KCNIP4: variants seen among roughly 807,000 people sequenced by gnomAD.
KCNIP4 encodes Kv channel-interacting protein 4.
In KCNIP4, 12 loss-of-function variants were observed where a neutral mutation model predicts 34.0. The ratio of observed to expected loss-of-function variants is 0.35; its 90% CI spans 0.23 to 0.57. The LOEUF (loss-of-function observed/expected upper bound fraction) is 0.57, where lower values mean the gene tolerates loss of function less well. Ranked by LOEUF, KCNIP4 falls within the 20% of genes least tolerant of loss-of-function variation. The pLI is 0.83. For synonymous variants in KCNIP4, 124 were observed against 102.2 expected (o/e 1.21, Z -1.29); for missense variants, 238 against 311.7 (o/e 0.76, Z 1.78).
In KCNIP4 at chr4:21,778,230, TTTTTTC is replaced by T. The variant is rs1177562548; in HGVS notation, c.61+170335_61+170340del. On this transcript the variant is annotated intron_variant, in intron 1 of 8. Transcript: ENST00000382152. ...GTTTCTTTTTCCTTTTTTCCTTTTT[TTTTTTC>T]TTTTTTTTTTTTTTTTGAGACAGGG... 4.9e-4 allele frequency among the ~76,000 whole-genome samples: 29 copies of T among 58,810 alleles called. 3 individuals carry two copies. Among genetic ancestry groups the T allele is most frequent in the African/African-American group, 4.1e-3 (27 of 6,518 alleles). The allele number at this position is 58,810 out of a possible 152,430, so 38.6% of individuals were successfully genotyped here.
In KCNIP4 at chr4:20,987,523, G is replaced by A. The variant is rs78314264; in HGVS notation, c.62-104814C>T. 9.9e-3 allele frequency among the ~76,000 whole-genome samples: 1,504 copies of A among 152,248 alleles called. 9 individuals are homozygous for A. Among genetic ancestry groups the A allele is most frequent in the Middle Eastern group, 0.017 (5 of 294 alleles). The stretch of plus-strand genomic sequence containing the variant: ...AGTTTCAGCTCACCCCAAATCAATA[G>A]GTTAGGTGTTATTATCACTATTTCA... On this transcript the variant is annotated intron_variant, in intron 1 of 8. Transcript: ENST00000382152.
chr4:21,884,885 C>T (rs1017246645), intron 1 of KCNIP4, among the ~76,000 whole-genome samples: 3 of 152,044 alleles, frequency 2.0e-5, no homozygotes, highest in East Asian at 1.9e-4. Flanking sequence ...TTCAGTGGCT[C>T]GTGGCTCCAG....
chr4:21,526,262 C>T (rs1445760265), intron 1 of KCNIP4, among the ~76,000 whole-genome samples: 1 of 152,022 alleles, frequency 6.6e-6, no homozygotes, highest in African/African-American at 2.4e-5. Context: ...GTGAATAAGT[C>T]TCATAATATC....
At chr4:21,467,589 T>C (rs1320889024) in intron 1 of KCNIP4, among the ~76,000 whole-genome samples, 1 of 152,158 alleles carries the variant, frequency 6.6e-6, no homozygotes, top group East Asian at 1.9e-4. Flanking sequence ...GATATCTTCA[T>C]AAAAACATTC....
intron 1 of KCNIP4, among the ~76,000 whole-genome samples, chr4:20,884,753 G>A (rs924127572): frequency 6.6e-6 from 1 of 150,448 alleles, no homozygotes; most frequent in Admixed American, 6.6e-5. Context: ...TGTTGCCCAG[G>A]CTGGAGTGCA....
At chr4:21,098,307 G>T (rs1048656130) in intron 1 of KCNIP4, among the ~76,000 whole-genome samples, 1 of 152,194 alleles carries the variant, frequency 6.6e-6, no homozygotes, top group Non-Finnish European at 1.5e-5. Context: ...TTAAATAATA[G>T]ATTTTCAAGG....
At chr4:20,897,540 G>C (rs1027195364) in intron 1 of KCNIP4, among the ~76,000 whole-genome samples, 3 of 151,084 alleles carry the variant, frequency 2.0e-5, no homozygotes, top group Non-Finnish European at 4.4e-5. Flanking sequence ...TCATAGTGAA[G>C]TTCCAACTCC....
intron 1 of KCNIP4, among the ~76,000 whole-genome samples, chr4:21,824,236 G>A (rs1722542598): frequency 6.6e-6 from 1 of 152,098 alleles, no homozygotes; most frequent in South Asian, 2.1e-4. Flanking sequence ...ATTTTGAAAC[G>A]AAGATCATAA....
intron 1 of KCNIP4, among the ~76,000 whole-genome samples, chr4:20,929,566 C>T (rs899651511): frequency 6.6e-6 from 1 of 151,810 alleles, no homozygotes; most frequent in Non-Finnish European, 1.5e-5. Context: ...AAATAAAAAG[C>T]ATTTAAGTCA....
chr4:20,730,181 G>T, intron 8 of KCNIP4, 52 bp from the exon 9 acceptor site: 1 of 1,559,634 alleles, frequency 6.4e-7, no homozygotes, highest in Non-Finnish European at 8.7e-7. Flanking sequence ...GCAAGGAAAA[G>T]TACACTATTT....
At chr4:21,865,918 T>C (rs111983305) in intron 1 of KCNIP4, among the ~76,000 whole-genome samples, 4 of 129,256 alleles carry the variant, frequency 3.1e-5, no homozygotes, top group Non-Finnish European at 6.9e-5. Context: ...TATATATATA[T>C]ATGGTGTCTC....
intron 1 of KCNIP4, among the ~76,000 whole-genome samples, chr4:21,414,239 A>G (rs68186236): frequency 0.11 from 16,910 of 152,258 alleles, 962 homozygotes; most frequent in East Asian, 0.19. Flanking sequence ...GGTGACAACT[A>G]AAGAAGGTAA....
intron 1 of KCNIP4, among the ~76,000 whole-genome samples, chr4:21,443,073 T>C (rs1329249297): frequency 1.3e-5 from 2 of 152,220 alleles, no homozygotes; most frequent in African/African-American, 4.8e-5. Context: ...GTGTTGTCAC[T>C]ACGACAAAAC....
chr4:21,009,617 A>T (rs1738894329), intron 1 of KCNIP4, among the ~76,000 whole-genome samples: 1 of 152,190 alleles, frequency 6.6e-6, no homozygotes, highest in African/African-American at 2.4e-5. Context: ...ACTATCTCAT[A>T]GTTTTCCTAC....
intron 1 of KCNIP4, among the ~76,000 whole-genome samples, chr4:21,414,756 G>C (rs551481829): frequency 4.1e-4 from 62 of 152,144 alleles, no homozygotes; most frequent in South Asian, 2.3e-3. Context: ...CTTTAAAATG[G>C]AGATTCTATA....
intron 1 of KCNIP4, among the ~76,000 whole-genome samples, chr4:21,036,774 CT>C (rs1741481850): frequency 6.6e-6 from 1 of 152,162 alleles, no homozygotes; most frequent in African/African-American, 2.4e-5. Flanking sequence ...TTCATGACGG[CT>C]TTTTAAAATA....
chr4:21,768,951 TTTG>T (rs1332934574), intron 1 of KCNIP4, among the ~76,000 whole-genome samples: 1 of 152,072 alleles, frequency 6.6e-6, no homozygotes, highest in East Asian at 1.9e-4. Flanking sequence ...TTCAATTTTT[TTTG>T]TTATTTGTTT....
At chr4:21,651,900 A>G (rs1477540248) in intron 1 of KCNIP4, among the ~76,000 whole-genome samples, 1 of 152,162 alleles carries the variant, frequency 6.6e-6, no homozygotes, top group Non-Finnish European at 1.5e-5. Context: ...TAATACAGAT[A>G]TACATATAAA....
intron 1 of KCNIP4, among the ~76,000 whole-genome samples, chr4:21,124,997 A>T (rs528683813): frequency 3.3e-5 from 5 of 151,456 alleles, no homozygotes; most frequent in African/African-American, 7.3e-5. Flanking sequence ...CGGTGAAGTC[A>T]GCCCCACTTG....
Sources: allele counts gnomAD v4.1 joint callset (sites outside exome capture counted in the v4.1 genomes callset), GRCh38; gene constraint gnomAD v4.1.1; transcripts MANE v1.5; gene names NCBI Gene and HGNC (gene_info 2026-07-23, HGNC 2026-07-21).